ZNF14: variants seen among roughly 807,000 people sequenced by gnomAD.
The protein encoded by ZNF14 is zinc finger protein 14, also known as gonadotropin inducible transcription repressor-4.
ZNF14 carries 9 observed loss-of-function variants against 11.3 expected under a neutral mutation model. The observed-to-expected ratio is 0.80, with a 90% CI of 0.48 to 1.39. The LOEUF (loss-of-function observed/expected upper bound fraction) is 1.39, where lower values mean the gene tolerates loss of function less well. Ranked by LOEUF, ZNF14 falls within the 40% of genes most tolerant of loss-of-function variation. ZNF14 has a pLI of 0.00. For missense variants in ZNF14, 711 were observed against 763.9 expected (o/e 0.93, Z 0.82); for synonymous variants, 239 against 245.7 (o/e 0.97, Z 0.25).
chr19:19,731,758 C>G (rs1030619248), intron 1 of ZNF14, among the ~76,000 whole-genome samples: 1 of 151,924 alleles, frequency 6.6e-6, no homozygotes, highest in Non-Finnish European at 1.5e-5. Flanking sequence ...AAACATCACT[C>G]TCACAAACAC....
chr19:19,717,739 G>C (rs182169848), intron 1 of ZNF14, among the ~76,000 whole-genome samples: 1 of 152,074 alleles, frequency 6.6e-6, no homozygotes, highest in African/African-American at 2.4e-5. Context: ...ATCACAGCTC[G>C]GGCACAGGCT....
Position 19,712,232 on chromosome 19 carries a change from C to G in ZNF14, c.1049G>C (p.Cys350Ser). The G allele has an allele frequency of 3.1e-6, 5 of 1,613,840 alleles. No individual in the cohort carries two copies. Among genetic ancestry groups the G allele is most frequent in the Non-Finnish European group, 4.2e-6 (5 of 1,179,958 alleles). Reference protein sequence around the residue: ...CGKAFNSSNSCRVHERTHIGE... With the variant: ...CGKAFNSSNSSRVHERTHIGE... ...AATATGAGTTCTTTCATGCACTCGA[C>G]AGGAATTAGAAGAGTTGAAGGCTTT... The change falls in exon 4 of 4, where the codon TGT becomes TCT. Residue 350 changes from cysteine to serine, a missense_variant. By Grantham distance (112) the Cys-to-Ser change is moderately radical. Coordinates refer to ENST00000344099, the MANE Select transcript of ZNF14 (RefSeq NM_021030.3).
chr19:19,721,236 A>G (rs2062392725), intron 1 of ZNF14, among the ~76,000 whole-genome samples: 2 of 152,262 alleles, frequency 1.3e-5, no homozygotes, highest in East Asian at 1.9e-4. Context: ...GATTACAGGC[A>G]TGAGCCACCA....
At chr19:19,715,682 A>G (rs2062376001) in intron 1 of ZNF14, among the ~76,000 whole-genome samples, 1 of 152,222 alleles carries the variant, frequency 6.6e-6, no homozygotes, top group Non-Finnish European at 1.5e-5. Flanking sequence ...CAGTCTTCAC[A>G]ATGCCTGGGA....
At chr19:19,715,608 G>A (rs918853444) in intron 1 of ZNF14, among the ~76,000 whole-genome samples, 5 of 152,180 alleles carry the variant, frequency 3.3e-5, no homozygotes, top group African/African-American at 9.7e-5. Flanking sequence ...TTCAAGGAAC[G>A]ACAACATGTT....
intron 3 of ZNF14, among the ~76,000 whole-genome samples, 195 bp downstream of exon 3, chr19:19,713,896 T>G (rs1599467985): frequency 6.6e-6 from 1 of 152,176 alleles, no homozygotes; most frequent in South Asian, 2.1e-4. Context: ...ATAATAATAT[T>G]TATAAAAGGG....
At chr19:19,716,859 T>A (rs148802509) in intron 1 of ZNF14, among the ~76,000 whole-genome samples, 1 of 152,150 alleles carries the variant, frequency 6.6e-6, no homozygotes, top group African/African-American at 2.4e-5. Flanking sequence ...TAAGAAGACC[T>A]GTTCTCAAAA....
At chr19:19,726,059 G>C (rs1253279686) in intron 1 of ZNF14, among the ~76,000 whole-genome samples, 1 of 134,246 alleles carries the variant, frequency 7.4e-6, no homozygotes, top group Admixed American at 7.3e-5. Context: ...GTTATTACCA[G>C]TCATCTGAAG....
intron 1 of ZNF14, among the ~76,000 whole-genome samples, chr19:19,732,655 G>A (rs1299252162): frequency 1.3e-5 from 2 of 152,248 alleles, no homozygotes; most frequent in African/African-American, 2.4e-5. Flanking sequence ...ACCGAGATGG[G>A]ATCTCCCCAG....
At chr19:19,718,688 T>C (rs575238521) in intron 1 of ZNF14, among the ~76,000 whole-genome samples, 2 of 152,170 alleles carry the variant, frequency 1.3e-5, no homozygotes, top group Non-Finnish European at 2.9e-5. Flanking sequence ...AGGAGAAAAT[T>C]AAAAGACAAA....
chr19:19,733,008 C>T lies in ZNF14; in HGVS notation c.-50G>A, dbSNP rs1448264599. 6.2e-7 allele frequency: 1 copy of T among 1,607,446 alleles called. No individual in the cohort carries two copies. Among genetic ancestry groups the T allele is most frequent in the Non-Finnish European group, 8.5e-7 (1 of 1,176,190 alleles). Reference sequence around the variant, plus strand: ...TGTCCTCCCTACGGATCTGTCAGTACCTGCAGGTCACGGCGCGACAAAGGA... The same window carrying T: ...TGTCCTCCCTACGGATCTGTCAGTATCTGCAGGTCACGGCGCGACAAAGGA... On this transcript the variant is annotated 5_prime_UTR_variant, in exon 1 of 4. Transcript: ENST00000344099.
At position 19,711,744 on chromosome 19, in the gene ZNF14, T is replaced by G; in HGVS notation, c.1537A>C (p.Ser513Arg). 1 of 1,614,182 alleles carries G rather than the reference T, an allele frequency of 6.2e-7. No individual in the cohort carries two copies. The highest frequency in any genetic ancestry group is 8.5e-7 in the Non-Finnish European group (1 of 1,180,026). The part of the protein sequence containing the change: ...YECKLCGKTF[S>R]FSSSLREHEK... The stretch of plus-strand genomic sequence containing the variant: ...TGTTCTCGAAGGGAACTTGAAAAAC[T>G]GAAGGTTTTACCGCATAGTTTACAT... The change falls in exon 4 of 4, where the codon AGT becomes CGT. Residue 513 changes from serine (S) to arginine (R), a missense_variant. Physicochemically the swap from Ser to Arg is moderately radical, Grantham distance 110 (BLOSUM62 -1). Coordinates refer to ENST00000344099, the MANE Select transcript of ZNF14 (RefSeq NM_021030.3).
At chr19:19,721,555 A>C (rs1052263094) in intron 1 of ZNF14, among the ~76,000 whole-genome samples, 2 of 152,206 alleles carry the variant, frequency 1.3e-5, no homozygotes, top group Non-Finnish European at 2.9e-5. Flanking sequence ...CAATATTTCC[A>C]TAAGAATAAT....
At chr19:19,722,730 G>C (rs1200477702) in intron 1 of ZNF14, among the ~76,000 whole-genome samples, 2 of 152,114 alleles carry the variant, frequency 1.3e-5, no homozygotes, top group African/African-American at 4.8e-5. Flanking sequence ...CCATTTGTTT[G>C]TGTCCCCTTT....
intron 1 of ZNF14, among the ~76,000 whole-genome samples, chr19:19,714,700 CCTTTTT>C (rs1351305524): frequency 1.6e-5 from 2 of 128,024 alleles, no homozygotes; most frequent in Admixed American, 7.8e-5. Context: ...TTTTCTTTTT[CCTTTTT>C]CTTTTTCTTT....
chr19:19,729,641 T>G (rs930941003), intron 1 of ZNF14, among the ~76,000 whole-genome samples: 1 of 152,036 alleles, frequency 6.6e-6, no homozygotes, highest in Non-Finnish European at 1.5e-5. Context: ...CTGAAACACA[T>G]GCTAAAACAA....
intron 1 of ZNF14, among the ~76,000 whole-genome samples, chr19:19,729,944 A>G (rs1432205948): frequency 6.6e-6 from 1 of 152,222 alleles, no homozygotes; most frequent in Non-Finnish European, 1.5e-5. Context: ...GAACAGACAC[A>G]GCACCATTCA....
At chr19:19,728,927 T>C (rs1466665891) in intron 1 of ZNF14, among the ~76,000 whole-genome samples, 2 of 152,244 alleles carry the variant, frequency 1.3e-5, no homozygotes, top group Non-Finnish European at 2.9e-5. Flanking sequence ...TTGACAGAAC[T>C]AAAAAAATCC....
chr19:19,730,035 TTTAG>T (rs2062418746), intron 1 of ZNF14, among the ~76,000 whole-genome samples: 2 of 152,120 alleles, frequency 1.3e-5, no homozygotes, highest in African/African-American at 2.4e-5. Flanking sequence ...CCTTTATTTA[TTTAG>T]TTAGTTTTTT....
Sources: gnomAD v4.1 joint callset for allele counts (sites outside exome capture counted in the v4.1 genomes callset) on GRCh38, gnomAD v4.1.1 for gene constraint, MANE v1.5 for transcripts, NCBI Gene and HGNC (gene_info 2026-07-23, HGNC 2026-07-21) for gene names.